Variants in GAB2 observed in about 807,000 individuals in gnomAD.
GAB2 encodes GRB2-associated-binding protein 2.
Under a neutral mutation model 65.5 loss-of-function variants are expected in GAB2, and 26 were observed. The ratio of observed to expected loss-of-function variants is 0.40; its 90% confidence interval spans 0.29 to 0.55. The LOEUF (loss-of-function observed/expected upper bound fraction) is 0.55. Ranked by LOEUF, GAB2 falls within the 20% of genes least tolerant of loss-of-function variation. GAB2 has a pLI of 0.53. For synonymous variants in GAB2, 321 were observed against 329.6 expected (o/e 0.97, Z 0.28); for missense variants, 884 against 875.8 (o/e 1.01, Z -0.12).
rs1864136500 is a variant in GAB2, at chr11:78,216,180, A to C, written c.*3092T>G. On this transcript the variant is annotated 3_prime_UTR_variant, in exon 10 of 10. Transcript: ENST00000361507. Reference sequence around the variant, plus strand: ...CCACAGACAGGCAGATCAAGGACTTAAGGAGACACCATCTCCCTATTTCTC... The same window carrying C: ...CCACAGACAGGCAGATCAAGGACTTCAGGAGACACCATCTCCCTATTTCTC... The C allele has an allele frequency of 6.6e-6, 1 of 152,512 alleles. No individual in the cohort carries two copies. The highest frequency in any genetic ancestry group is 6.5e-5 in the Admixed American group (1 of 15,286). 9.4% of individuals were successfully genotyped at this position (152,512 alleles called of 1,614,324 possible). A position where few individuals can be genotyped will look rare whatever the true frequency, so the allele number is the denominator to read the frequency against.
rs544260335 is a variant in GAB2 at position 78,390,912 on chromosome 11, A to G, written c.75+26734T>C. Among the ~76,000 whole-genome samples, 313 of 152,354 alleles carry G rather than the reference A, an allele frequency of 2.1e-3. 1 individual carries two copies. The highest frequency in any genetic ancestry group is 4.7e-3 in the Admixed American group (72 of 15,308). ...CTAGATTGATGAGGATCTGGAGATCAATAACGCAGATGAAATCCCTGCCTT... is the reference window on the plus strand; with the variant it reads ...CTAGATTGATGAGGATCTGGAGATCGATAACGCAGATGAAATCCCTGCCTT... On this transcript the variant is annotated intron_variant, in intron 1 of 9. Transcript: ENST00000361507.
At chr11:78,284,552 T>C (rs1489935643) in intron 1 of GAB2, among the ~76,000 whole-genome samples, 1 of 152,192 alleles carries the variant, frequency 6.6e-6, no homozygotes, top group African/African-American at 2.4e-5. Flanking sequence ...TGCTCCTGCC[T>C]CACGGTCTTT....
At chr11:78,229,031 G>A (rs1425660781) in intron 3 of GAB2, among the ~76,000 whole-genome samples, 4 of 152,190 alleles carry the variant, frequency 2.6e-5, no homozygotes, top group African/African-American at 9.7e-5. Context: ...CCTGCCCAGT[G>A]AGGGGTGGTC....
chr11:78,256,964 G>T (rs1217913173), intron 2 of GAB2, among the ~76,000 whole-genome samples: 1 of 152,010 alleles, frequency 6.6e-6, no homozygotes, highest in Non-Finnish European at 1.5e-5. Context: ...CTAGACTAAA[G>T]ATAATGCCCA....
chr11:78,322,869 T>C (rs889457121), intron 1 of GAB2, among the ~76,000 whole-genome samples: 32 of 150,306 alleles, frequency 2.1e-4, no homozygotes, highest in Admixed American at 9.3e-4. Flanking sequence ...ACACTGTTGG[T>C]GGGAATGTAA....
At chr11:78,319,308 A>T (rs192024940) in intron 1 of GAB2, among the ~76,000 whole-genome samples, 1 of 152,184 alleles carries the variant, frequency 6.6e-6, no homozygotes, top group East Asian at 1.9e-4. Context: ...TGTTAGTATT[A>T]TGTGTTTGGA....
At chr11:78,330,455 C>T (rs1855896188) in intron 1 of GAB2, among the ~76,000 whole-genome samples, 1 of 152,104 alleles carries the variant, frequency 6.6e-6, no homozygotes, top group Non-Finnish European at 1.5e-5. Context: ...TACTTTGGGC[C>T]AAGCACTGAG....
intron 3 of GAB2, among the ~76,000 whole-genome samples, chr11:78,237,206 A>T (rs1865005689): frequency 6.6e-6 from 1 of 152,230 alleles, no homozygotes. Context: ...AATAAAAACA[A>T]ATGTTTCTAC....
intron 1 of GAB2, among the ~76,000 whole-genome samples, chr11:78,283,866 A>G (rs1332427950): frequency 2.0e-5 from 3 of 148,474 alleles, no homozygotes; most frequent in Admixed American, 6.7e-5. Context: ...GAATGCCCCA[A>G]TGCTCAGTTC....
intron 2 of GAB2, among the ~76,000 whole-genome samples, chr11:78,265,111 C>A (rs746847653): frequency 2.4e-4 from 37 of 151,708 alleles, no homozygotes; most frequent in Non-Finnish European, 4.3e-4. Context: ...ATTTACTTAT[C>A]CAAGACCACG....
At chr11:78,253,260 C>G (rs1029102470) in intron 2 of GAB2, among the ~76,000 whole-genome samples, 1 of 152,110 alleles carries the variant, frequency 6.6e-6, no homozygotes, top group Non-Finnish European at 1.5e-5. Flanking sequence ...TCTCAAAGTG[C>G]TGGGATTACA....
At chr11:78,392,285 C>T (rs1046020796) in intron 1 of GAB2, 2 of 151,868 alleles carry the variant, frequency 1.3e-5, no homozygotes, top group African/African-American at 4.8e-5. Flanking sequence ...ATTTTCTTTG[C>T]CTAAGCCTAG....
At chr11:78,395,497 T>C (rs1041019707) in intron 1 of GAB2, among the ~76,000 whole-genome samples, 1 of 152,196 alleles carries the variant, frequency 6.6e-6, no homozygotes, top group Non-Finnish European at 1.5e-5. Flanking sequence ...CATATCCCAA[T>C]AGCCACAAGC....
chr11:78,223,851 C>G (rs1481157878), intron 5 of GAB2, among the ~76,000 whole-genome samples, 175 bp from the exon 6 acceptor site: 1 of 152,148 alleles, frequency 6.6e-6, no homozygotes, highest in East Asian at 1.9e-4. Context: ...GAGGCTGAGG[C>G]AGGTGGATCA....
chr11:78,245,636 A>G (rs1565123967), intron 3 of GAB2, among the ~76,000 whole-genome samples: 2 of 152,216 alleles, frequency 1.3e-5, no homozygotes, highest in Non-Finnish European at 2.9e-5. Flanking sequence ...CTCACTAGAC[A>G]TTGTTTGAGT....
In GAB2 at chr11:78,250,265, G is replaced by A. The variant is rs760983761; in HGVS notation, c.512C>T (p.Thr171Met). 4.8e-5 allele frequency: 78 copies of A among 1,613,576 alleles called. No individual in the cohort carries two copies. Among genetic ancestry groups the A allele is most frequent in the Middle Eastern group, 1.6e-4 (1 of 6,084 alleles). The stretch of plus-strand genomic sequence containing the variant: ...GTGGTTTGACACAGGGGGTTCAAAC[G>A]TGAACAGAGTTGGCTGGCTGGAGTG... Reference protein sequence around the residue: ...PSHSSQPTLFTFEPPVSNHMQ... With the variant: ...PSHSSQPTLFMFEPPVSNHMQ... The change falls in exon 3 of 10, where the codon ACG becomes ATG. Residue 171 changes from threonine (T) to methionine (M), a missense_variant. Physicochemically the swap from Thr to Met is moderately conservative, Grantham distance 81 (BLOSUM62 -1). Transcript: ENST00000361507.
intron 4 of GAB2, among the ~76,000 whole-genome samples, chr11:78,225,466 T>C (rs145659412): frequency 0.016 from 2,436 of 152,326 alleles, 42 homozygotes; most frequent in Non-Finnish European, 0.019. Flanking sequence ...CTCCTTTGAC[T>C]CCTACACCAC....
chr11:78,235,984 C>T (rs577815266), intron 3 of GAB2, among the ~76,000 whole-genome samples: 61 of 152,250 alleles, frequency 4.0e-4, no homozygotes, highest in South Asian at 1.0e-3. Flanking sequence ...AAGACATACC[C>T]GAGACTGGGA....
At chr11:78,311,828 C>G (rs1303495231) in intron 1 of GAB2, among the ~76,000 whole-genome samples, 1 of 152,112 alleles carries the variant, frequency 6.6e-6, no homozygotes, top group Admixed American at 6.5e-5. Context: ...AGGCTGTGGG[C>G]AAGAAGAGGT....
Sources: gnomAD v4.1 joint callset for allele counts (sites outside exome capture counted in the v4.1 genomes callset) on GRCh38, gnomAD v4.1.1 for gene constraint, MANE v1.5 for transcripts, NCBI Gene and HGNC (gene_info 2026-07-23, HGNC 2026-07-21) for gene names.